The following RBM47 variants were observed in gnomAD, a reference collection of about 807,000 sequenced individuals.
RBM47 encodes RNA binding motif protein 47.
RBM47 carries 21 observed loss-of-function variants against 47.1 expected under a neutral mutation model. The observed-to-expected ratio is 0.45, with a 90% CI of 0.32 to 0.64. The LOEUF (loss-of-function observed/expected upper bound fraction) is 0.64, where lower values mean the gene tolerates loss of function less well. Among genes scored for constraint, RBM47 ranks in the 30% least tolerant of loss-of-function variants. The pLI is 0.05. For missense variants in RBM47, 708 were observed against 870.9 expected, an observed-to-expected ratio of 0.81 and a Z score of 2.35; for synonymous variants, 375 against 361.7, an observed-to-expected ratio of 1.04 and a Z score of -0.42.
intron 1 of RBM47, among the ~76,000 whole-genome samples, chr4:40,601,940 G>T (rs1735317875): frequency 6.6e-6 from 1 of 152,078 alleles, no homozygotes; most frequent in African/African-American, 2.4e-5. Flanking sequence ...AGGCCAATGT[G>T]GGTGGAGAGC....
At chr4:40,473,301 C>T (rs773928936) in intron 2 of RBM47, among the ~76,000 whole-genome samples, 1 of 152,124 alleles carries the variant, frequency 6.6e-6, no homozygotes, top group Non-Finnish European at 1.5e-5. Flanking sequence ...TTGTTAAGGT[C>T]CCTTAGCTGG....
At chr4:40,560,702 C>T (rs1217667627) in intron 1 of RBM47, among the ~76,000 whole-genome samples, 2 of 152,176 alleles carry the variant, frequency 1.3e-5, no homozygotes, top group South Asian at 2.1e-4. Flanking sequence ...CGTGGTGGCT[C>T]ATGCCTGTAA....
chr4:40,432,625 G>C, intron 6 of RBM47, 26 bp downstream of exon 6: 1 of 1,609,874 alleles, frequency 6.2e-7, no homozygotes, highest in Non-Finnish European at 8.5e-7. Context: ...ACACACAAAT[G>C]ACAATGCCTG....
At chr4:40,588,834 C>T (rs543719829) in intron 1 of RBM47, among the ~76,000 whole-genome samples, 49 of 152,108 alleles carry the variant, frequency 3.2e-4, no homozygotes, top group African/African-American at 1.1e-3. Flanking sequence ...TGGCATAGTT[C>T]AGCAACAGGG....
At chr4:40,513,131 C>T (rs1369803791) in intron 2 of RBM47, among the ~76,000 whole-genome samples, 1 of 152,208 alleles carries the variant, frequency 6.6e-6, no homozygotes, top group Non-Finnish European at 1.5e-5. Context: ...AAAGCCACAG[C>T]GAAGTTTGTC....
At chr4:40,479,761 C>A (rs1394563769) in intron 2 of RBM47, among the ~76,000 whole-genome samples, 1 of 152,036 alleles carries the variant, frequency 6.6e-6, no homozygotes, top group Non-Finnish European at 1.5e-5. Flanking sequence ...CCTCAGCCTC[C>A]TAAGTAGCTG....
At chr4:40,429,688 C>CAAAAAAAAAA (rs60673202) in intron 6 of RBM47, among the ~76,000 whole-genome samples, 3 of 38,102 alleles carry the variant, frequency 7.9e-5, no homozygotes, top group Admixed American at 4.2e-4. Context: ...GACTCCATCT[C>CAAAAAAAAAA]AAAAAAAAAA....
chr4:40,560,122 GCTGAGTTTTGACCCACAGAGGT>G (rs937862476), intron 1 of RBM47, among the ~76,000 whole-genome samples: 1 of 152,146 alleles, frequency 6.6e-6, no homozygotes, highest in African/African-American at 2.4e-5. Flanking sequence ...ACGCAGCCAA[GCTGAGTTTTGACCCACAGAGGT>G]CTGACAGTTG....
At chr4:40,615,294 T>C (rs550949816) in intron 1 of RBM47, among the ~76,000 whole-genome samples, 1 of 150,482 alleles carries the variant, frequency 6.6e-6, no homozygotes, top group Non-Finnish European at 1.5e-5. Flanking sequence ...CAAAAAAAAA[T>C]TGGCCAGGCA....
intron 1 of RBM47, among the ~76,000 whole-genome samples, chr4:40,546,730 C>T (rs76585258): frequency 0.07 from 10,587 of 152,214 alleles, 505 homozygotes; most frequent in Non-Finnish European, 0.11. Context: ...TGACTTGCTT[C>T]GGTGAGTCCA....
At position 40,624,009 on chromosome 4, in the gene RBM47, G is replaced by A. The variant is rs535371368; in HGVS notation, c.-240+5387C>T. Among the ~76,000 whole-genome samples the A allele has an allele frequency of 6.2e-3, 950 of 152,150 alleles. 5 individuals carry two copies. Among genetic ancestry groups the A allele is most frequent in the Non-Finnish European group, 9.3e-3 (634 of 67,988 alleles). On this transcript the variant is annotated intron_variant, in intron 1 of 6. Coordinates refer to ENST00000295971, the MANE Select transcript of RBM47 (RefSeq NM_001098634.2). Reference sequence around the variant, plus strand: ...TGGGATTACAGGCGTGTACCACCACGCCTGGCTAATTTTTGTATTTTTTGT... The same window carrying A: ...TGGGATTACAGGCGTGTACCACCACACCTGGCTAATTTTTGTATTTTTTGT...
chr4:40,602,442 T>C (rs902928101), intron 1 of RBM47, among the ~76,000 whole-genome samples: 1 of 151,186 alleles, frequency 6.6e-6, no homozygotes. Flanking sequence ...GAGGTCAAGA[T>C]ATCGAGACCA....
chr4:40,529,663 T>C lies in RBM47; in HGVS notation c.-155+14759A>G, dbSNP rs568983712. Among the ~76,000 whole-genome samples, 20 of 148,914 alleles carry C rather than the reference T, an allele frequency of 1.3e-4. No homozygotes were observed. In the East Asian group the frequency reaches 4.1e-3, roughly 30 times the overall value. Reference sequence around the variant, plus strand: ...GGCCAACATGGCAAAACCCTCTCTCTACTAAAAATACAAAAATTAGCCAGG... The same window carrying C: ...GGCCAACATGGCAAAACCCTCTCTCCACTAAAAATACAAAAATTAGCCAGG... On this transcript the variant is annotated intron_variant, in intron 2 of 6. Transcript: ENST00000295971.
chr4:40,565,423 C>T (rs1731001537), intron 1 of RBM47, among the ~76,000 whole-genome samples: 1 of 152,030 alleles, frequency 6.6e-6, no homozygotes. Flanking sequence ...TCCTTGGGTT[C>T]CTGGGGAAGG....
intron 2 of RBM47, among the ~76,000 whole-genome samples, chr4:40,476,924 C>G (rs1719688068): frequency 6.6e-6 from 1 of 152,118 alleles, no homozygotes; most frequent in African/African-American, 2.4e-5. Context: ...CTGGAAGGAG[C>G]CAGAGTTGGA....
At chr4:40,626,495 G>A (rs1461652641) in intron 1 of RBM47, among the ~76,000 whole-genome samples, 1 of 152,188 alleles carries the variant, frequency 6.6e-6, no homozygotes, top group Non-Finnish European at 1.5e-5. Context: ...ATCTCCATGT[G>A]AGCTTTCTGG....
intron 2 of RBM47, among the ~76,000 whole-genome samples, chr4:40,476,247 A>G (rs946136686): frequency 5.9e-5 from 9 of 152,258 alleles, no homozygotes; most frequent in Admixed American, 2.0e-4. Context: ...GTACTCAAAA[A>G]GTGTTACTAG....
chr4:40,445,412 T>C (rs1450397467), intron 3 of RBM47, among the ~76,000 whole-genome samples: 1 of 152,212 alleles, frequency 6.6e-6, no homozygotes, highest in Non-Finnish European at 1.5e-5. Flanking sequence ...GCTCAGCTCC[T>C]GACACTTATA....
intron 1 of RBM47, among the ~76,000 whole-genome samples, chr4:40,558,941 C>A (rs767461699): frequency 2.0e-5 from 3 of 152,014 alleles, no homozygotes; most frequent in Non-Finnish European, 2.9e-5. Flanking sequence ...TAGAAGTGAG[C>A]CAAGATTTCG....
Sources: gnomAD v4.1 joint callset for allele counts (sites outside exome capture counted in the v4.1 genomes callset) on GRCh38, gnomAD v4.1.1 for gene constraint, MANE v1.5 for transcripts, NCBI Gene and HGNC (gene_info 2026-07-23, HGNC 2026-07-21) for gene names.